Variants in SLC12A6 observed in about 807,000 individuals in gnomAD.
The protein encoded by SLC12A6 is solute carrier family 12 member 6.
SLC12A6 carries 66 observed loss-of-function variants against 135.3 expected under a neutral mutation model. That is an observed-to-expected ratio of 0.49 (90% confidence interval 0.40 to 0.60). The LOEUF is 0.60. SLC12A6 is among the 20% of genes least tolerant of loss of function. The pLI is 0.00. For missense variants in SLC12A6, 1,058 were observed against 1,452.3 expected (o/e 0.73, Z 4.41); for synonymous variants, 513 against 508.8 (o/e 1.01, Z -0.11).
Position 34,240,793 on chromosome 15 carries a change from G to A in SLC12A6, c.2304C>T (p.Asp768=), listed in dbSNP as rs749852456. The A allele has an allele frequency of 1.2e-6, 2 of 1,614,044 alleles. No homozygotes were observed. The highest frequency in any genetic ancestry group is 1.7e-6 in the Non-Finnish European group (2 of 1,179,950). Residue 768 remains aspartate, a synonymous_variant, in exon 19 of 26, where the codon GAC becomes GAT. Coordinates refer to ENST00000354181, the MANE Select transcript of SLC12A6 (RefSeq NM_001365088.1). The stretch of plus-strand genomic sequence containing the variant: ...GGAGGCGAGGATGCTTGACATGTAA[G>A]TCTTCATCTAGTTTCAGTAATACAA... ...QLLVLLKLDE[D]LHVKHPRLLT...
chr15:34,275,508 A>T (rs530123406), intron 2 of SLC12A6, 119 bp from the exon 3 acceptor site: 1 of 675,518 alleles, frequency 1.5e-6, no homozygotes, highest in East Asian at 2.7e-5. Flanking sequence ...AAAACTTATG[A>T]AATATTAATG....
At chr15:34,274,513 T>C (rs1894166258) in intron 3 of SLC12A6, among the ~76,000 whole-genome samples, 1 of 152,048 alleles carries the variant, frequency 6.6e-6, no homozygotes, top group Non-Finnish European at 1.5e-5. Context: ...AGTCCTGAGG[T>C]CTTGTGAAAT....
chr15:34,293,150 C>T (rs530355061), intron 2 of SLC12A6, among the ~76,000 whole-genome samples: 2 of 151,994 alleles, frequency 1.3e-5, no homozygotes, highest in African/African-American at 2.4e-5. Flanking sequence ...ATCTTGGAAG[C>T]GACTCCTTAA....
At chr15:34,331,420 C>G (rs1281098726) in intron 2 of SLC12A6, among the ~76,000 whole-genome samples, 1 of 152,168 alleles carries the variant, frequency 6.6e-6, no homozygotes, top group Non-Finnish European at 1.5e-5. Flanking sequence ...AGATTACAGG[C>G]GTGAGCCACC....
At chr15:34,293,117 A>G (rs917193062) in intron 2 of SLC12A6, among the ~76,000 whole-genome samples, 3 of 152,192 alleles carry the variant, frequency 2.0e-5, no homozygotes, top group Non-Finnish European at 4.4e-5. Flanking sequence ...GGAGCTGTAG[A>G]CCAGAGCTGT....
At chr15:34,236,683 T>C (rs368558133) in intron 23 of SLC12A6, 25 bp downstream of exon 23, 2 of 1,256,734 alleles carry the variant, frequency 1.6e-6, no homozygotes, top group East Asian at 2.3e-5. Flanking sequence ...AGAGCACGGA[T>C]TGGATTGATG....
rs1555385547 is a variant in SLC12A6 at position 34,285,718 on chromosome 15, C to CACACACACACACACACACACAT, written c.272-10330_272-10329insATGTGTGTGTGTGTGTGTGTGT. On this transcript the variant is annotated intron_variant, in intron 2 of 25. Transcript: ENST00000354181. ...TGTGTGTGTGTGTGTGTGTGTTTGTCATACATAAAATGGAATATTATTCAA... is the reference window on the plus strand; with the variant it reads ...TGTGTGTGTGTGTGTGTGTGTTTGTCACACACACACACACACACACATATACATAAAATGGAATATTATTCAA... Among the ~76,000 whole-genome samples the CACACACACACACACACACACAT allele has an allele frequency of 3.0e-3, 201 of 66,080 alleles. 2 individuals are homozygous for CACACACACACACACACACACAT. The Middle Eastern group carries it at 0.042, about 14-fold the overall frequency. The allele number at this position is 66,080 out of a possible 152,430, so 43.4% of individuals were successfully genotyped here.
intron 2 of SLC12A6, among the ~76,000 whole-genome samples, chr15:34,287,752 G>A (rs1299165529): frequency 1.3e-5 from 2 of 152,176 alleles, no homozygotes; most frequent in Non-Finnish European, 2.9e-5. Flanking sequence ...TTTTTCATAT[G>A]TCTGTTGGCT....
rs1891237398 is a variant in SLC12A6 at position 34,236,009 on chromosome 15, A to G, written c.3227+6T>C. The G allele has an allele frequency of 6.2e-7, 1 of 1,611,800 alleles. No homozygotes were observed. On this transcript the variant is annotated splice_donor_region_variant and intron_variant, in intron 24 of 25. Transcript: ENST00000354181. ...TTATGATAAACTTGGGAGTGGGAAA[A>G]CTTACGGACGCATGTTAAGCAGGTC...
chr15:34,282,026 T>G (rs1263364172), intron 2 of SLC12A6, among the ~76,000 whole-genome samples: 1 of 152,146 alleles, frequency 6.6e-6, no homozygotes, highest in Non-Finnish European at 1.5e-5. Context: ...AGCTAAAATG[T>G]GTACTTTAGT....
In SLC12A6 at chr15:34,309,799, A is replaced by C. The variant is rs79903696; in HGVS notation, c.271+26611T>G. 2.3e-4 allele frequency among the ~76,000 whole-genome samples: 35 copies of C among 152,304 alleles called. 1 individual carries two copies. In the East Asian group the frequency reaches 6.2e-3, roughly 27 times the overall value. ...TGCCTCACAGAGCCAACTTAAAAAA[A>C]GGATAAAGCTTTGATCCTGAGATTT... On this transcript the variant is annotated intron_variant, in intron 2 of 25. Coordinates refer to ENST00000354181, the MANE Select transcript of SLC12A6 (RefSeq NM_001365088.1).
chr15:34,299,705 A>AC (rs550669826), intron 2 of SLC12A6: 144 of 152,342 alleles, frequency 9.5e-4, no homozygotes, highest in African/African-American at 3.3e-3. Flanking sequence ...AGCAACAGAG[A>AC]CATTCAAGAA....
At chr15:34,277,447 C>T (rs187391242) in intron 2 of SLC12A6, among the ~76,000 whole-genome samples, 7 of 152,140 alleles carry the variant, frequency 4.6e-5, no homozygotes, top group African/African-American at 1.7e-4. Context: ...CCCAACCCCC[C>T]ACTATATATA....
At chr15:34,281,561 G>A (rs1203781013) in intron 2 of SLC12A6, among the ~76,000 whole-genome samples, 3 of 152,172 alleles carry the variant, frequency 2.0e-5, no homozygotes, top group East Asian at 1.9e-4. Context: ...AGGCCGAGGC[G>A]AGTGGATCAC....
Position 34,319,882 on chromosome 15 carries a change from G to GA in SLC12A6, c.271+16527dup, listed in dbSNP as rs907913963. Among the ~76,000 whole-genome samples the GA allele has an allele frequency of 6.1e-4, 87 of 141,712 alleles. No individual in the cohort carries two copies. In the Middle Eastern group the frequency reaches 0.011, roughly 18 times the overall value. 93.0% of individuals were successfully genotyped at this position (141,712 alleles called of 152,430 possible). Reference sequence around the variant, plus strand: ...TATTGTACAGAGTGGTTGTTTCAAAGAAAAAAAAAAAAGTCCCAGAAAATC... The same window carrying GA: ...TATTGTACAGAGTGGTTGTTTCAAAGAAAAAAAAAAAAAGTCCCAGAAAATC... On this transcript the variant is annotated intron_variant, in intron 2 of 25. Transcript: ENST00000354181.
At chr15:34,252,731 A>C (rs1259896980) in intron 9 of SLC12A6, among the ~76,000 whole-genome samples, 2 of 152,228 alleles carry the variant, frequency 1.3e-5, no homozygotes, top group Admixed American at 1.3e-4. Context: ...AGTCAAATTG[A>C]AGAACTGTCT....
Position 34,233,119 on chromosome 15 carries a change from G to A in SLC12A6, c.*762C>T, listed in dbSNP as rs562472403. On this transcript the variant is annotated 3_prime_UTR_variant, in exon 26 of 26. Coordinates refer to ENST00000354181, the MANE Select transcript of SLC12A6 (RefSeq NM_001365088.1). ...CTTCCTTTTGGAGTTCTCTTAGTTCGGCCATTTGAAAGGAACCTGAAAGAA... is the reference window on the plus strand; with the variant it reads ...CTTCCTTTTGGAGTTCTCTTAGTTCAGCCATTTGAAAGGAACCTGAAAGAA... 10 of 152,128 alleles carry A rather than the reference G, an allele frequency of 6.6e-5. No individual in the cohort carries two copies. Among genetic ancestry groups the A allele is most frequent in the Admixed American group, 3.9e-4 (6 of 15,276 alleles). 9.4% of individuals were successfully genotyped at this position (152,128 alleles called of 1,614,324 possible). A position where few individuals can be genotyped will look rare whatever the true frequency, so the allele number is the denominator to read the frequency against.
intron 2 of SLC12A6, among the ~76,000 whole-genome samples, chr15:34,285,397 G>A (rs1894979135): frequency 6.6e-6 from 1 of 152,070 alleles, no homozygotes. Flanking sequence ...AAAGAAAAGA[G>A]TCAAAGATAT....
rs1174092040 is a variant in SLC12A6, at chr15:34,238,638, GA to G, written c.2633-238del. The stretch of plus-strand genomic sequence containing the variant: ...TCCCATTACTACATTTCTAAGGGGG[GA>G]TATGTGAATTTGAGAGATTATGATG... On this transcript the variant is annotated intron_variant, in intron 20 of 25. Transcript: ENST00000354181. 5.0e-6 allele frequency: 3 copies of G among 600,996 alleles called. No individual in the cohort carries two copies. The African/African-American group carries it at 5.6e-5, about 11-fold the overall frequency. 37.2% of individuals were successfully genotyped at this position (600,996 alleles called of 1,614,324 possible).
Sources: gnomAD v4.1 joint callset for allele counts (sites outside exome capture counted in the v4.1 genomes callset) on GRCh38, gnomAD v4.1.1 for gene constraint, MANE v1.5 for transcripts, NCBI Gene and HGNC (gene_info 2026-07-23, HGNC 2026-07-21) for gene names.